Variants in ADD3 observed in about 807,000 individuals in gnomAD.
ADD3 encodes gamma-adducin.
In ADD3, 25 loss-of-function variants were observed where a neutral mutation model predicts 80.2. The observed-to-expected ratio is 0.31, with a 90% CI of 0.23 to 0.44. The LOEUF is 0.44. ADD3 is among the 20% of genes least tolerant of loss of function. ADD3 has a pLI of 1.00. For missense variants in ADD3, 829 were observed against 847.5 expected (o/e 0.98, Z 0.27); for synonymous variants, 284 against 289.6 (o/e 0.98, Z 0.20).
At chr10:110,006,004 T>G (rs542725685), upstream of ADD3, 1 of 242,852 alleles carries the variant, frequency 4.1e-6, no homozygotes, top group South Asian at 4.6e-5. Flanking sequence ...CTGCTGCTGC[T>G]GCCGCCGCCG....
chr10:110,035,877 C>T (rs905471346), intron 1 of ADD3, among the ~76,000 whole-genome samples: 8 of 152,096 alleles, frequency 5.3e-5, no homozygotes, highest in Admixed American at 1.3e-4. Context: ...ATCTGCCAGG[C>T]GCGGTGGCTC....
At chr10:110,128,680 G>A (rs964038570) in intron 12 of ADD3, among the ~76,000 whole-genome samples, 5 of 152,210 alleles carry the variant, frequency 3.3e-5, no homozygotes, top group Non-Finnish European at 7.3e-5. Flanking sequence ...GCCTCCCAAA[G>A]TGCTGGGATT....
chr10:110,064,647 A>G (rs1331940561), intron 1 of ADD3, among the ~76,000 whole-genome samples: 1 of 152,124 alleles, frequency 6.6e-6, no homozygotes, highest in African/African-American at 2.4e-5. Context: ...CTTTTTTCAG[A>G]TACCCTTAAA....
At chr10:110,012,790 G>C (rs570852155) in intron 1 of ADD3, among the ~76,000 whole-genome samples, 4 of 151,530 alleles carry the variant, frequency 2.6e-5, no homozygotes, top group African/African-American at 9.7e-5. Context: ...TTTTGAGACA[G>C]CTCTCACTAT....
At chr10:110,132,234 C>T (rs1446533112) in intron 13 of ADD3, 71 bp from the exon 14 acceptor site, 1 of 1,067,744 alleles carries the variant, frequency 9.4e-7, no homozygotes, top group South Asian at 1.3e-5. Flanking sequence ...GATGTATGCA[C>T]TAACCTCCCT....
At chr10:110,050,068 A>G (rs1302680814) in intron 1 of ADD3, among the ~76,000 whole-genome samples, 1 of 152,072 alleles carries the variant, frequency 6.6e-6, no homozygotes, top group Non-Finnish European at 1.5e-5. Flanking sequence ...TCATAGGCGG[A>G]AGGGACCGGT....
At position 110,040,660 on chromosome 10, in the gene ADD3, T is replaced by G. The variant is rs77824122; in HGVS notation, c.-30+32361T>G. ...GTGGATTGATGTGGTCAGATTTGTG[T>G]TTTAAAAATCTTCCTTTGGCAACAG... On this transcript the variant is annotated intron_variant, in intron 1 of 14. Coordinates refer to ENST00000356080, the MANE Select transcript of ADD3 (RefSeq NM_016824.5). Among the ~76,000 whole-genome samples, 292 of 152,270 alleles carry G rather than the reference T, an allele frequency of 1.9e-3. 1 individual carries two copies. The highest frequency in any genetic ancestry group is 0.017 in the Middle Eastern group (5 of 294).
At chr10:110,094,442 T>TA (rs746703380) in intron 1 of ADD3, among the ~76,000 whole-genome samples, 6 of 152,214 alleles carry the variant, frequency 3.9e-5, no homozygotes, top group Non-Finnish European at 5.9e-5. Flanking sequence ...GAAGCTCATA[T>TA]AAAATCAATA....
chr10:110,053,172 A>C (rs190358443), intron 1 of ADD3, among the ~76,000 whole-genome samples: 1 of 152,178 alleles, frequency 6.6e-6, no homozygotes. Flanking sequence ...CAACTGAACA[A>C]TTTACCAGTG....
At chr10:110,024,532 A>T (rs905031670) in intron 1 of ADD3, among the ~76,000 whole-genome samples, 1 of 152,218 alleles carries the variant, frequency 6.6e-6, no homozygotes, top group Non-Finnish European at 1.5e-5. Flanking sequence ...TTGTAATAAG[A>T]TATTTAACAC....
chr10:110,116,363 C>A lies in ADD3; in HGVS notation c.439C>A (p.Leu147Ile), dbSNP rs1437904031. 6.2e-7 allele frequency: 1 copy of A among 1,614,112 alleles called. No individual in the cohort carries two copies. The highest frequency in any genetic ancestry group is 1.1e-5 in the South Asian group (1 of 91,084). Residue 147 changes from leucine to isoleucine, a missense_variant, in exon 4 of 15, where the codon CTT (leucine) becomes ATT (isoleucine). Leu to Ile is a conservative substitution (Grantham distance 5). Transcript: ENST00000356080. ...TRCKLASLYR[L>I]VDLFGWAHLA... ...CTGTAAACTTGCCAGCCTGTACAGACTTGTAGACTTGTTTGGATGGGCACA... is the reference window on the plus strand; with the variant it reads ...CTGTAAACTTGCCAGCCTGTACAGAATTGTAGACTTGTTTGGATGGGCACA...
chr10:110,130,855 CAA>C (rs1256813480), intron 13 of ADD3, among the ~76,000 whole-genome samples: 1 of 90,118 alleles, frequency 1.1e-5, no homozygotes. Context: ...GACTCCGTCT[CAA>C]AAAAAAAAAA....
chr10:110,082,316 A>T (rs1374507757), intron 1 of ADD3, among the ~76,000 whole-genome samples: 1 of 152,214 alleles, frequency 6.6e-6, no homozygotes, highest in African/African-American at 2.4e-5. Context: ...ACAGTTAAAA[A>T]GATCAGAAAA....
chr10:110,010,918 TACC>T (rs967696207), intron 1 of ADD3, among the ~76,000 whole-genome samples: 5 of 152,238 alleles, frequency 3.3e-5, no homozygotes, highest in African/African-American at 1.2e-4. Flanking sequence ...CTGGTATTAA[TACC>T]ACCAAGTTAT....
intron 1 of ADD3, among the ~76,000 whole-genome samples, chr10:110,021,955 T>C (rs1225566100): frequency 6.6e-6 from 1 of 152,162 alleles, no homozygotes; most frequent in Non-Finnish European, 1.5e-5. Flanking sequence ...TAAAATAACT[T>C]ATGTGGACCT....
At chr10:110,009,959 T>G (rs1051871956) in intron 1 of ADD3, among the ~76,000 whole-genome samples, 3 of 152,232 alleles carry the variant, frequency 2.0e-5, no homozygotes, top group Admixed American at 6.5e-5. Flanking sequence ...GGGAAATATT[T>G]TGCATGATAG....
intron 1 of ADD3, among the ~76,000 whole-genome samples, chr10:110,097,570 T>G (rs1178969409): frequency 6.6e-6 from 1 of 152,176 alleles, no homozygotes; most frequent in Non-Finnish European, 1.5e-5. Flanking sequence ...ATGTTGTAAT[T>G]ATCAGTTTCA....
chr10:110,125,730 G>T, intron 10 of ADD3, 96 bp from the exon 11 acceptor site: 1 of 839,930 alleles, frequency 1.2e-6, no homozygotes, highest in Non-Finnish European at 1.8e-6. Context: ...TTTAAACATT[G>T]GCAATGCCCC....
At chr10:110,119,923 TA>T (rs1223653043) in intron 8 of ADD3, among the ~76,000 whole-genome samples, 1 of 152,208 alleles carries the variant, frequency 6.6e-6, no homozygotes, top group East Asian at 1.9e-4. Context: ...GTCACTTTTG[TA>T]AAAAGTTTGA....
Sources: allele counts gnomAD v4.1 joint callset (sites outside exome capture counted in the v4.1 genomes callset), GRCh38; gene constraint gnomAD v4.1.1; transcripts MANE v1.5; gene names NCBI Gene and HGNC (gene_info 2026-07-23, HGNC 2026-07-21).